The following CDH4 variants were observed in gnomAD, a reference collection of about 807,000 sequenced individuals.
CDH4 encodes the protein cadherin 4.
In CDH4, 33 loss-of-function variants were observed where a neutral mutation model predicts 86.0. The ratio of observed to expected loss-of-function variants is 0.38; its 90% CI spans 0.29 to 0.51. The LOEUF is 0.51. CDH4 is among the 20% of genes least tolerant of loss of function. CDH4 has a pLI of 0.86. For synonymous variants in CDH4, 555 were observed against 549.4 expected, an observed-to-expected ratio of 1.01 and a Z score of -0.14; for missense variants, 1,114 against 1,307.4, an observed-to-expected ratio of 0.85 and a Z score of 2.28.
intron 4 of CDH4, among the ~76,000 whole-genome samples, chr20:61,788,647 T>C (rs1011451937): frequency 2.0e-5 from 3 of 152,224 alleles, no homozygotes; most frequent in Non-Finnish European, 4.4e-5. Flanking sequence ...CCTGACCATG[T>C]TTCCGATATT....
At chr20:61,792,545 C>T (rs1979258707) in intron 4 of CDH4, among the ~76,000 whole-genome samples, 1 of 152,174 alleles carries the variant, frequency 6.6e-6, no homozygotes, top group Admixed American at 6.5e-5. Context: ...CAAATAAGGC[C>T]ATTGACACCT....
At chr20:61,632,723 A>C in intron 2 of CDH4, among the ~76,000 whole-genome samples, 1 of 137,352 alleles carries the variant, frequency 7.3e-6, no homozygotes, top group African/African-American at 2.8e-5. Context: ...CCAACCAGCC[A>C]CTCACTCATT....
intron 2 of CDH4, among the ~76,000 whole-genome samples, chr20:61,608,421 C>T (rs1393504315): frequency 6.6e-6 from 1 of 152,200 alleles, no homozygotes; most frequent in Admixed American, 6.5e-5. Context: ...AGTGGAACTG[C>T]TACGACCCCA....
intron 9 of CDH4, among the ~76,000 whole-genome samples, chr20:61,911,496 A>G (rs1295052226): frequency 1.3e-5 from 2 of 152,244 alleles, no homozygotes; most frequent in Non-Finnish European, 2.9e-5. Context: ...AACAATTTTG[A>G]ATAGGACTAA....
intron 3 of CDH4, among the ~76,000 whole-genome samples, chr20:61,756,258 C>G (rs1312107837): frequency 1.4e-5 from 2 of 142,492 alleles, no homozygotes; most frequent in Admixed American, 6.7e-5. Flanking sequence ...TGGCCAGGGG[C>G]TCGGCTTCTC....
intron 2 of CDH4, among the ~76,000 whole-genome samples, chr20:61,433,307 G>A (rs929450904): frequency 9.2e-5 from 14 of 152,036 alleles, no homozygotes; most frequent in Admixed American, 5.2e-4. Context: ...TCAATCAGCC[G>A]TCTGTGTGTG....
intron 2 of CDH4, among the ~76,000 whole-genome samples, chr20:61,688,758 T>G (rs928370825): frequency 6.6e-6 from 1 of 152,238 alleles, no homozygotes; most frequent in Non-Finnish European, 1.5e-5. Context: ...AGGAATCAAT[T>G]CATCTTTTAA....
intron 2 of CDH4, among the ~76,000 whole-genome samples, chr20:61,395,189 A>T (rs1158026906): frequency 6.6e-6 from 1 of 152,016 alleles, no homozygotes; most frequent in East Asian, 2.0e-4. Flanking sequence ...AAAAGAAAAA[A>T]TGCTGAGGAA....
chr20:61,884,841 G>A (rs1984465927), intron 7 of CDH4, among the ~76,000 whole-genome samples: 1 of 152,156 alleles, frequency 6.6e-6, no homozygotes, highest in African/African-American at 2.4e-5. Context: ...GTGGGGGCGG[G>A]GAAGGCTTCC....
chr20:61,765,848 G>A (rs1327341699), intron 3 of CDH4, among the ~76,000 whole-genome samples: 1 of 152,030 alleles, frequency 6.6e-6, no homozygotes, highest in Admixed American at 6.5e-5. Context: ...AGGGAGGAGA[G>A]CCCACCCCTT....
rs145916640 is a variant in CDH4, at chr20:61,482,871, G to A, written c.169+227934G>A. Among the ~76,000 whole-genome samples, 22 of 152,316 alleles carry A rather than the reference G, an allele frequency of 1.4e-4. No homozygotes were observed. In the South Asian group the frequency reaches 3.1e-3, roughly 22 times the overall value. ...TCAGGTTAACTGAGTGAATCCGCAC[G>A]TCCGCCCTGTGTGGTACCTCATGCC... is the stretch of plus-strand genomic sequence containing the variant. On this transcript the variant is annotated intron_variant, in intron 2 of 15. Coordinates refer to ENST00000614565, the MANE Select transcript of CDH4 (RefSeq NM_001794.5).
chr20:61,456,636 A>G (rs1314758090), intron 2 of CDH4, among the ~76,000 whole-genome samples: 2 of 152,208 alleles, frequency 1.3e-5, no homozygotes, highest in Non-Finnish European at 2.9e-5. Context: ...AGCCATTATA[A>G]TGTGCATAAC....
At chr20:61,607,047 A>G (rs1004468617) in intron 2 of CDH4, among the ~76,000 whole-genome samples, 2 of 152,316 alleles carry the variant, frequency 1.3e-5, no homozygotes, top group Admixed American at 1.3e-4. Flanking sequence ...ATGTGTCCAT[A>G]TCCTGCTCTG....
intron 4 of CDH4, among the ~76,000 whole-genome samples, chr20:61,841,459 G>A (rs1181015994): frequency 6.6e-6 from 1 of 152,228 alleles, no homozygotes; most frequent in Non-Finnish European, 1.5e-5. Context: ...CTCTCCATGG[G>A]TGGAGAAGAG....
intron 2 of CDH4, among the ~76,000 whole-genome samples, chr20:61,299,269 A>T (rs2084373461): frequency 6.6e-6 from 1 of 152,162 alleles, no homozygotes; most frequent in Non-Finnish European, 1.5e-5. Context: ...ATCCGCAGAC[A>T]GGAGCCCCGG....
intron 4 of CDH4, among the ~76,000 whole-genome samples, chr20:61,832,369 C>T (rs1007052186): frequency 1.3e-5 from 2 of 152,204 alleles, no homozygotes; most frequent in Non-Finnish European, 2.9e-5. Flanking sequence ...GTATTAACGG[C>T]ACTGCCTTGG....
At chr20:61,565,829 T>C (rs776076574) in intron 2 of CDH4, among the ~76,000 whole-genome samples, 1 of 152,188 alleles carries the variant, frequency 6.6e-6, no homozygotes, top group Non-Finnish European at 1.5e-5. Context: ...CAGCCGAGGC[T>C]ACATGCCTGC....
intron 2 of CDH4, among the ~76,000 whole-genome samples, chr20:61,458,421 GTGGTCATGGTGGTGA>G (rs983665151): frequency 1.4e-5 from 2 of 141,782 alleles, no homozygotes; most frequent in Non-Finnish European, 1.6e-5. Flanking sequence ...GCTGACACTG[GTGGTCATGGTGGTGA>G]TGGTCATGGT....
chr20:61,624,489 C>G (rs1473225132), intron 2 of CDH4, among the ~76,000 whole-genome samples: 1 of 152,198 alleles, frequency 6.6e-6, no homozygotes, highest in Non-Finnish European at 1.5e-5. Flanking sequence ...CCTTCCCCAG[C>G]TCCCCCTGAT....
Sources: gnomAD v4.1 joint callset for allele counts (sites outside exome capture counted in the v4.1 genomes callset) on GRCh38, gnomAD v4.1.1 for gene constraint, MANE v1.5 for transcripts, NCBI Gene and HGNC (gene_info 2026-07-23, HGNC 2026-07-21) for gene names.